Variants in FOXN4 observed in about 807,000 individuals in gnomAD.
FOXN4 encodes the protein forkhead box protein N4.
Under a neutral mutation model 45.0 loss-of-function variants are expected in FOXN4, and 12 were observed. That is an observed-to-expected ratio of 0.27 (90% CI 0.17 to 0.43). The LOEUF (loss-of-function observed/expected upper bound fraction) is 0.43, where lower values mean the gene tolerates loss of function less well. FOXN4 is among the 20% of genes least tolerant of loss of function. FOXN4 has a pLI of 1.00. For synonymous variants in FOXN4, 297 were observed against 295.0 expected (o/e 1.01, Z -0.07); for missense variants, 560 against 694.9 (o/e 0.81, Z 2.18).
rs553647230 is a variant in FOXN4, at chr12:109,291,469, G to A, written c.87-1183C>T. Among the ~76,000 whole-genome samples, 4 of 152,038 alleles carry A rather than the reference G, an allele frequency of 2.6e-5. No homozygotes were observed. Among genetic ancestry groups the A allele is most frequent in the South Asian group, 2.1e-4 (1 of 4,790 alleles). The stretch of plus-strand genomic sequence containing the variant: ...GAGGGGCAGAGAGAGGCGGGACACC[G>A]ACCCATCCTGCCCTGGTTTTCTGCG... On this transcript the variant is annotated intron_variant, in intron 2 of 9. Coordinates refer to ENST00000299162, the MANE Select transcript of FOXN4 (RefSeq NM_213596.3). The surrounding 1 kb of genome is among the most constrained non-coding windows in gnomAD (Gnocchi z 6.6).
chr12:109,291,747 T>C lies in FOXN4; in HGVS notation c.87-1461A>G, dbSNP rs1041729748. Among the ~76,000 whole-genome samples the C allele has an allele frequency of 2.0e-5, 3 of 151,832 alleles. No homozygotes were observed. The highest frequency in any genetic ancestry group is 4.4e-5 in the Non-Finnish European group (3 of 67,956). On this transcript the variant is annotated intron_variant, in intron 2 of 9. Coordinates refer to ENST00000299162, the MANE Select transcript of FOXN4 (RefSeq NM_213596.3). This position sits in a 1 kb window ranked among gnomAD's most constrained non-coding sequence, Gnocchi z 6.6. ...GCTGCCCCCGCGATTGGCTGCCTCA[T>C]AGGGAAACAGGGCCTGGAAACGATT...
intron 2 of FOXN4, among the ~76,000 whole-genome samples, chr12:109,292,044 C>A (rs986888979): frequency 1.3e-5 from 2 of 152,222 alleles, no homozygotes; most frequent in Non-Finnish European, 2.9e-5. Flanking sequence ...CCCTCAGGCC[C>A]TGGGAGACCA....
chr12:109,287,404 A>G lies in FOXN4; in HGVS notation c.589T>C (p.Ser197Pro). Residue 197 changes from serine to proline, a missense_variant, in exon 6 of 10, where the codon TCG becomes CCG. Ser to Pro is a moderately conservative substitution (Grantham distance 74). Around this residue, in one of 5 missense-constraint regions of FOXN4, gnomAD observed 61 missense variants for 59.8 expected, o/e 1.02. Coordinates refer to ENST00000299162, the MANE Select transcript of FOXN4 (RefSeq NM_213596.3). This position sits in a 1 kb window ranked among gnomAD's most constrained non-coding sequence, Gnocchi z 4.1. ...GCCCACCCTGGACCTCACCTGTACG[A>G]GTAGATGGGCTTGGGGTAGTGTTTG... ...HPKHYPKPIY[S>P]YSCLIAMALK... 1 of 1,551,382 alleles carries G rather than the reference A, an allele frequency of 6.4e-7. No homozygotes were observed. The highest frequency in any genetic ancestry group is 8.7e-7 in the Non-Finnish European group (1 of 1,146,850).
In FOXN4 at chr12:109,281,510, G is replaced by A; in HGVS notation, c.1191C>T (p.His397=). 1 of 1,613,984 alleles carries A rather than the reference G, an allele frequency of 6.2e-7. No individual in the cohort carries two copies. Among genetic ancestry groups the A allele is most frequent in the Non-Finnish European group, 8.5e-7 (1 of 1,179,884 alleles). The change falls in exon 9 of 10, where the codon CAC becomes CAT. Residue 397 remains histidine, a synonymous_variant. Coordinates refer to ENST00000299162, the MANE Select transcript of FOXN4 (RefSeq NM_213596.3). ...LPDLSPSPLP[H]PAMGRAPVDF... is the part of the protein sequence containing the mutation. The stretch of plus-strand genomic sequence containing the variant: ...CTACAGGAGCCCTTCCCATGGCGGG[G>A]TGGGGGAGCGGGCTGGGGCTGAGGT...
intron 2 of FOXN4, among the ~76,000 whole-genome samples, chr12:109,296,387 G>C (rs1254425281): frequency 2.0e-5 from 3 of 152,210 alleles, no homozygotes; most frequent in Non-Finnish European, 4.4e-5. Context: ...TTCTCTGTGT[G>C]CCTTCCTCTG....
intron 9 of FOXN4, 54 bp downstream of exon 9, chr12:109,281,353 C>T: frequency 1.9e-6 from 3 of 1,595,030 alleles, no homozygotes; most frequent in Non-Finnish European, 2.6e-6. Flanking sequence ...CCTTTGGCCC[C>T]CGGGCCTCTC....
At chr12:109,308,756 T>G (rs1357823109) in intron 1 of FOXN4, among the ~76,000 whole-genome samples, 1 of 152,044 alleles carries the variant, frequency 6.6e-6, no homozygotes. Context: ...GGGAACAAAT[T>G]CCCACTTGCA....
At chr12:109,289,862 GT>G (rs1344517792) in intron 3 of FOXN4, among the ~76,000 whole-genome samples, 2 of 152,232 alleles carry the variant, frequency 1.3e-5, no homozygotes, top group Non-Finnish European at 2.9e-5. Flanking sequence ...ACGGGCTGTA[GT>G]TTGCCAACTG....
chr12:109,302,781 A>C (rs1370877244), intron 2 of FOXN4, among the ~76,000 whole-genome samples: 1 of 152,122 alleles, frequency 6.6e-6, no homozygotes, highest in Non-Finnish European at 1.5e-5. Context: ...GTCCCGCCCT[A>C]CCTGCGCGGC....
intron 2 of FOXN4, among the ~76,000 whole-genome samples, chr12:109,296,588 C>T (rs1329515323): frequency 2.0e-5 from 3 of 152,180 alleles, no homozygotes; most frequent in African/African-American, 7.2e-5. Flanking sequence ...CTTCAGGGTC[C>T]CTAAGGGTCT....
chr12:109,280,348 A>G lies in FOXN4; in HGVS notation c.1295-418T>C, dbSNP rs917622593. Reference sequence around the variant, plus strand: ...ACAGAGTGAGACTCCACCTCAAAAAAAAAAAAAAAAAAAAAAAAGCATGGA... The same window carrying G: ...ACAGAGTGAGACTCCACCTCAAAAAGAAAAAAAAAAAAAAAAAAGCATGGA... On this transcript the variant is annotated intron_variant, in intron 9 of 9. Coordinates refer to ENST00000299162, the MANE Select transcript of FOXN4 (RefSeq NM_213596.3). Among the ~76,000 whole-genome samples the G allele has an allele frequency of 6.9e-3, 1,036 of 150,090 alleles. 6 individuals are homozygous for G. The highest frequency in any genetic ancestry group is 0.024 in the African/African-American group (982 of 40,816).
intron 8 of FOXN4, among the ~76,000 whole-genome samples, chr12:109,282,187 A>G (rs779452816): frequency 1.3e-5 from 2 of 152,238 alleles, no homozygotes; most frequent in Non-Finnish European, 2.9e-5. Flanking sequence ...GGCTGGGCTC[A>G]TGCAATCCCA....
Position 109,279,779 on chromosome 12 carries a change from C to T in FOXN4, c.1446G>A (p.Thr482=), listed in dbSNP as rs746872347. 69 of 1,603,460 alleles carry T rather than the reference C, an allele frequency of 4.3e-5. No homozygotes were observed. Among genetic ancestry groups the T allele is most frequent in the Non-Finnish European group, 5.5e-5 (65 of 1,175,000 alleles). The change falls in exon 10 of 10, where the codon ACG becomes ACA. Residue 482 remains threonine (T), a synonymous_variant. Transcript: ENST00000299162. ...GAGTGGAGTACGCTGTGTAGAGACC[C>T]GTCACCTGCAAGTCTGGGAAGGACT... The part of the protein sequence containing the change: ...SDQSFPDLQV[T]GLYTAYSTPD...
At chr12:109,303,886 T>C (rs1210917855) in intron 2 of FOXN4, among the ~76,000 whole-genome samples, 1 of 152,136 alleles carries the variant, frequency 6.6e-6, no homozygotes, top group South Asian at 2.1e-4. Context: ...ATTGGGATAA[T>C]GTCAGTACCT....
chr12:109,294,083 G>A (rs910354471), intron 2 of FOXN4, among the ~76,000 whole-genome samples: 8 of 152,280 alleles, frequency 5.3e-5, no homozygotes, highest in Non-Finnish European at 8.8e-5. Context: ...GACGTCTTCC[G>A]GGGGAGATGC....
chr12:109,308,527 C>G (rs1313692378), intron 1 of FOXN4, among the ~76,000 whole-genome samples: 1 of 152,058 alleles, frequency 6.6e-6, no homozygotes, highest in Non-Finnish European at 1.5e-5. Context: ...GTTTTAGAAA[C>G]AAATGAAGAG....
intron 2 of FOXN4, among the ~76,000 whole-genome samples, chr12:109,292,672 C>T (rs1008432061): frequency 2.0e-5 from 3 of 152,120 alleles, no homozygotes; most frequent in South Asian, 2.1e-4. Flanking sequence ...TCCACCAGGT[C>T]GCCAGGGGGC....
Position 109,285,451 on chromosome 12 carries a change from C to G in FOXN4, c.754G>C (p.Glu252Gln). 1 of 1,614,102 alleles carries G rather than the reference C, an allele frequency of 6.2e-7. No individual in the cohort carries two copies. The highest frequency in any genetic ancestry group is 8.5e-7 in the Non-Finnish European group (1 of 1,179,956). The change falls in exon 8 of 10, where the codon GAG (glutamate) becomes CAG (glutamine). Residue 252 changes from glutamate (E) to glutamine (Q), a missense_variant. Physicochemically the swap from Glu to Gln is conservative, Grantham distance 29 (BLOSUM62 2). Transcript: ENST00000299162. ...RHNLSLNKCF[E>Q]KVENKMSGSS... ...CCGCTCATCTTGTTCTCCACCTTCTCGAAGCACTTGTTCAGAGACAGGTTG... is the reference window on the plus strand; with the variant it reads ...CCGCTCATCTTGTTCTCCACCTTCTGGAAGCACTTGTTCAGAGACAGGTTG...
chr12:109,280,342 CAAAAAAAAAAAAA>C, intron 9 of FOXN4, among the ~76,000 whole-genome samples: 1 of 53,552 alleles, frequency 1.9e-5, no homozygotes, highest in East Asian at 5.7e-4. Flanking sequence ...GACTCCACCT[CAAAAAAAAAAAAA>C]AAAAAAAAAA....
Sources: gnomAD v4.1 joint callset for allele counts (sites outside exome capture counted in the v4.1 genomes callset) on GRCh38, gnomAD v4.1.1 for gene constraint, gnomAD v4.1.1 regional missense constraint, Gnocchi (gnomAD v3.1) non-coding constraint, MANE v1.5 for transcripts, NCBI Gene and HGNC (gene_info 2026-07-23, HGNC 2026-07-21) for gene names.